TFCP2: variants seen among roughly 807,000 people sequenced by gnomAD.
TFCP2 encodes alpha-globin transcription factor CP2.
Under a neutral mutation model 73.4 loss-of-function variants are expected in TFCP2, and 33 were observed. The ratio of observed to expected loss-of-function variants is 0.45; its 90% CI spans 0.34 to 0.60. The LOEUF (loss-of-function observed/expected upper bound fraction) is 0.60. Ranked by LOEUF, TFCP2 falls within the 20% of genes least tolerant of loss-of-function variation. TFCP2 has a pLI of 0.01. For missense variants in TFCP2, 352 were observed against 604.0 expected, an observed-to-expected ratio of 0.58 and a Z score of 4.37; for synonymous variants, 193 against 211.6, an observed-to-expected ratio of 0.91 and a Z score of 0.76.
intron 1 of TFCP2, among the ~76,000 whole-genome samples, chr12:51,167,063 G>T (rs943365785): frequency 6.6e-6 from 1 of 152,112 alleles, no homozygotes; most frequent in Non-Finnish European, 1.5e-5. Flanking sequence ...TCATAGAAAT[G>T]GAATCATATG....
In TFCP2 at chr12:51,137,570, T is replaced by C. The variant is rs770457960; in HGVS notation, c.123-18798A>G. Among the ~76,000 whole-genome samples the C allele has an allele frequency of 4.1e-4, 62 of 152,310 alleles. 1 individual carries two copies. Among genetic ancestry groups the C allele is most frequent in the South Asian group, 1.0e-3 (5 of 4,830 alleles). ...ATTAGCATTTACCAGCCTACAGATCTCATTAAAACACTGCTAATTGAAAAC... is the reference window on the plus strand; with the variant it reads ...ATTAGCATTTACCAGCCTACAGATCCCATTAAAACACTGCTAATTGAAAAC... On this transcript the variant is annotated intron_variant, in intron 1 of 14. Transcript: ENST00000257915.
intron 13 of TFCP2, 53 bp from the exon 14 acceptor site, chr12:51,096,093 T>C: frequency 6.8e-7 from 1 of 1,480,088 alleles, no homozygotes; most frequent in Non-Finnish European, 9.4e-7. Context: ...AACCCCTTTA[T>C]ATTCCTGTGT....
chr12:51,162,697 G>T (rs982107697), intron 1 of TFCP2, among the ~76,000 whole-genome samples: 1 of 151,994 alleles, frequency 6.6e-6, no homozygotes, highest in African/African-American at 2.4e-5. Context: ...TTGTGGTTGG[G>T]TCTCACTCTG....
chr12:51,145,934 A>G (rs1023397472), intron 1 of TFCP2, among the ~76,000 whole-genome samples: 6 of 151,836 alleles, frequency 4.0e-5, no homozygotes, highest in Non-Finnish European at 7.4e-5. Flanking sequence ...TGGTCGACAG[A>G]GCAAGACCCT....
intron 1 of TFCP2, among the ~76,000 whole-genome samples, chr12:51,161,363 T>G (rs1332232201): frequency 6.6e-6 from 1 of 150,920 alleles, no homozygotes; most frequent in African/African-American, 2.5e-5. Flanking sequence ...GAAACAGGAC[T>G]ATACGGCCCA....
chr12:51,104,472 G>C (rs1940182271), intron 8 of TFCP2, among the ~76,000 whole-genome samples: 1 of 151,768 alleles, frequency 6.6e-6, no homozygotes, highest in Non-Finnish European at 1.5e-5. Flanking sequence ...AATAAATTGG[G>C]ACTGATGAGA....
chr12:51,168,468 C>T (rs770378630), intron 1 of TFCP2, among the ~76,000 whole-genome samples: 7 of 151,972 alleles, frequency 4.6e-5, no homozygotes, highest in African/African-American at 7.2e-5. Flanking sequence ...ACCCTGTAAA[C>T]TGGTGTTTTG....
At chr12:51,124,908 G>T in intron 1 of TFCP2, 1 of 935,788 alleles carries the variant, frequency 1.1e-6, no homozygotes, top group Non-Finnish European at 1.7e-6. Context: ...ATATGTCAAG[G>T]ACACGTCGTC....
At chr12:51,102,254 C>G (rs778017686) in intron 10 of TFCP2, among the ~76,000 whole-genome samples, 1 of 152,116 alleles carries the variant, frequency 6.6e-6, no homozygotes, top group Non-Finnish European at 1.5e-5. Flanking sequence ...CTGATGATGT[C>G]TAATGAGCAA....
At chr12:51,134,158 T>C (rs1220002376) in intron 1 of TFCP2, among the ~76,000 whole-genome samples, 2 of 152,202 alleles carry the variant, frequency 1.3e-5, no homozygotes, top group African/African-American at 2.4e-5. Flanking sequence ...GTTTTCAACA[T>C]CTTGAAACAC....
intron 1 of TFCP2, among the ~76,000 whole-genome samples, chr12:51,169,898 T>A (rs1434905312): frequency 6.6e-6 from 1 of 152,210 alleles, no homozygotes; most frequent in African/African-American, 2.4e-5. Context: ...AAAGAACTCT[T>A]AATTAAATGT....
intron 14 of TFCP2, among the ~76,000 whole-genome samples, 184 bp from the exon 15 acceptor site, chr12:51,095,462 T>C (rs1939935175): frequency 6.7e-6 from 1 of 149,478 alleles, no homozygotes; most frequent in African/African-American, 2.5e-5. Flanking sequence ...TCAAAAAAAA[T>C]GCATTATAAA....
At chr12:51,118,085 T>C (rs901319803) in intron 2 of TFCP2, among the ~76,000 whole-genome samples, 10 of 152,116 alleles carry the variant, frequency 6.6e-5, no homozygotes, top group Admixed American at 2.0e-4. Context: ...AATGGGAGTG[T>C]CTAGGGAATA....
At chr12:51,098,728 T>C (rs901989730) in intron 13 of TFCP2, 48 bp downstream of exon 13, 21 of 1,607,658 alleles carry the variant, frequency 1.3e-5, no homozygotes, top group Non-Finnish European at 1.7e-5. Context: ...CTCCATGCGC[T>C]GACAAATTAA....
At chr12:51,170,405 A>G (rs930187764) in intron 1 of TFCP2, among the ~76,000 whole-genome samples, 11 of 150,948 alleles carry the variant, frequency 7.3e-5, no homozygotes, top group African/African-American at 2.4e-4. Flanking sequence ...ACAGTGGTGC[A>G]ATCACAACTC....
At chr12:51,149,738 T>A (rs1397131358) in intron 1 of TFCP2, among the ~76,000 whole-genome samples, 9 of 152,138 alleles carry the variant, frequency 5.9e-5, no homozygotes, top group Non-Finnish European at 1.5e-5. Context: ...TAGCTGGGAC[T>A]ACAGGCATGC....
rs368290363 is a variant in TFCP2 at position 51,117,760 on chromosome 12, G to A, written c.275-13C>T. The A allele has an allele frequency of 2.6e-4, 410 of 1,577,364 alleles. 1 individual carries two copies. The highest frequency in any genetic ancestry group is 1.0e-3 in the Admixed American group (58 of 57,816). Reference sequence around the variant, plus strand: ...TCATAAGACTGTCCTAGAAGAAAAAGTAATTACATATTATATTCACCACAA... The same window carrying A: ...TCATAAGACTGTCCTAGAAGAAAAAATAATTACATATTATATTCACCACAA... On this transcript the variant is annotated splice_polypyrimidine_tract_variant and intron_variant, in intron 2 of 14. Coordinates refer to ENST00000257915, the MANE Select transcript of TFCP2 (RefSeq NM_005653.5).
chr12:51,169,488 G>A (rs1003952351), intron 1 of TFCP2, among the ~76,000 whole-genome samples: 24 of 151,058 alleles, frequency 1.6e-4, no homozygotes, highest in East Asian at 1.4e-3. Flanking sequence ...GCAACAGAGC[G>A]AGACTCCATC....
intron 1 of TFCP2, among the ~76,000 whole-genome samples, chr12:51,130,746 G>A (rs1187590475): frequency 1.3e-5 from 2 of 151,664 alleles, no homozygotes; most frequent in African/African-American, 4.8e-5. Context: ...TAGTACTTTG[G>A]GAAGCCGAGG....
Sources: gnomAD v4.1 joint callset for allele counts (sites outside exome capture counted in the v4.1 genomes callset) on GRCh38, gnomAD v4.1.1 for gene constraint, MANE v1.5 for transcripts, NCBI Gene and HGNC (gene_info 2026-07-23, HGNC 2026-07-21) for gene names.